PDE1C: variants seen among roughly 807,000 people sequenced by gnomAD.
PDE1C encodes the protein phosphodiesterase 1C, also known as dual specificity calcium/calmodulin-dependent 3',5'-cyclic nucleotide phosphodiesterase 1C.
A neutral mutation model predicts 93.1 loss-of-function variants in PDE1C; 62 were observed. That is an observed-to-expected ratio of 0.67 (90% CI 0.54 to 0.82). The LOEUF (loss-of-function observed/expected upper bound fraction) is 0.82, where lower values mean the gene tolerates loss of function less well. Among genes scored for constraint, PDE1C ranks in the 40% least tolerant of loss-of-function variants. PDE1C has a pLI of 0.00. For missense variants in PDE1C, 742 were observed against 884.6 expected (o/e 0.84, Z 2.04); for synonymous variants, 325 against 310.1 (o/e 1.05, Z -0.50).
At chr7:31,977,765 A>C (rs1206450396) in intron 2 of PDE1C, among the ~76,000 whole-genome samples, 5 of 152,226 alleles carry the variant, frequency 3.3e-5, no homozygotes, top group African/African-American at 1.2e-4. Context: ...AGTTACAAAC[A>C]GTAGTTGCTC....
At chr7:31,944,493 C>T (rs1479321297) in intron 2 of PDE1C, among the ~76,000 whole-genome samples, 1 of 152,188 alleles carries the variant, frequency 6.6e-6, no homozygotes, top group African/African-American at 2.4e-5. Context: ...TTGCACCTCA[C>T]CTAACCAACA....
chr7:32,218,169 T>C (rs1806564416), intron 1 of PDE1C, among the ~76,000 whole-genome samples: 1 of 152,206 alleles, frequency 6.6e-6, no homozygotes, highest in African/African-American at 2.4e-5. Flanking sequence ...AGCAATCCAG[T>C]TGAAATTTGT....
upstream of PDE1C, chr7:32,071,416 A>G: frequency 1.0e-6 from 1 of 985,210 alleles, no homozygotes. Context: ...CACACTCAAA[A>G]ACTCTTGATG....
At chr7:31,955,380 G>A (rs1412937030) in intron 2 of PDE1C, among the ~76,000 whole-genome samples, 1 of 152,102 alleles carries the variant, frequency 6.6e-6, no homozygotes, top group Admixed American at 6.5e-5. Flanking sequence ...GGCAGATAGG[G>A]AAATAAGGTT....
chr7:31,651,354 C>T, the PDE1C span: 1 of 1,454,738 alleles, frequency 6.9e-7, no homozygotes, highest in South Asian at 1.4e-5. Flanking sequence ...CAGAGGAGCA[C>T]CCTGGAGCAG....
intron 2 of PDE1C, chr7:31,893,633 G>A: frequency 3.5e-6 from 1 of 286,254 alleles, no homozygotes; most frequent in Non-Finnish European, 5.2e-6. Context: ...CAAGGTAAAC[G>A]CTAATACAGG....
chr7:32,225,278 T>C (rs975020861), intron 1 of PDE1C, among the ~76,000 whole-genome samples: 4 of 152,156 alleles, frequency 2.6e-5, no homozygotes, highest in African/African-American at 9.7e-5. Flanking sequence ...GATTGGTTTT[T>C]CTTTTCGTCT....
At chr7:31,937,416 G>C (rs1563065642) in intron 2 of PDE1C, among the ~76,000 whole-genome samples, 1 of 152,194 alleles carries the variant, frequency 6.6e-6, no homozygotes, top group Non-Finnish European at 1.5e-5. Context: ...TGTTTTGTCA[G>C]TCATAAGAGT....
intron 16 of PDE1C, among the ~76,000 whole-genome samples, chr7:31,783,024 A>C (rs1419360429): frequency 6.6e-6 from 1 of 152,176 alleles, no homozygotes; most frequent in African/African-American, 2.4e-5. Flanking sequence ...GTTTATTGGG[A>C]CGTGACCCCA....
intron 1 of PDE1C, among the ~76,000 whole-genome samples, chr7:32,230,347 A>C (rs1807606338): frequency 6.6e-6 from 1 of 152,192 alleles, no homozygotes; most frequent in East Asian, 1.9e-4. Context: ...GGAAGATGCC[A>C]ATTAAAATGC....
the PDE1C span, among the ~76,000 whole-genome samples, chr7:31,680,491 G>A: frequency 1.3e-5 from 2 of 152,188 alleles, no homozygotes. Context: ...ATGTGGCATT[G>A]GCAAGGGACC....
chr7:32,126,201 C>CTAGA (rs5883326), intron 3 of PDE1C, among the ~76,000 whole-genome samples: 83,982 of 146,778 alleles, frequency 0.57, 24,272 homozygotes, highest in Non-Finnish European at 0.62. Flanking sequence ...ATCCACTATT[C>CTAGA]TAGATAGATA....
chr7:32,078,552 A>G (rs1796482563), intron 3 of PDE1C, among the ~76,000 whole-genome samples: 1 of 152,194 alleles, frequency 6.6e-6, no homozygotes. Context: ...ACCTGATGTG[A>G]TGGGTGTAAG....
intron 3 of PDE1C, among the ~76,000 whole-genome samples, chr7:32,121,001 G>T (rs1386383518): frequency 6.6e-6 from 1 of 152,188 alleles, no homozygotes; most frequent in Admixed American, 6.5e-5. Flanking sequence ...TAGAGAAGCT[G>T]CTAACTAGAA....
At chr7:31,891,158 C>A (rs1798583986) in intron 2 of PDE1C, among the ~76,000 whole-genome samples, 2 of 152,188 alleles carry the variant, frequency 1.3e-5, no homozygotes, top group African/African-American at 4.8e-5. Context: ...AAAAGGGATG[C>A]AAAAGGACAT....
intron 1 of PDE1C, among the ~76,000 whole-genome samples, chr7:32,242,926 T>C (rs1250440057): frequency 6.6e-6 from 1 of 152,116 alleles, no homozygotes; most frequent in Non-Finnish European, 1.5e-5. Context: ...GTGGAAGGTT[T>C]AGGGGAATAA....
At chr7:31,670,944 G>A in the PDE1C span, among the ~76,000 whole-genome samples, 1 of 152,216 alleles carries the variant, frequency 6.6e-6, no homozygotes, top group South Asian at 2.1e-4. Flanking sequence ...ACAGCTTGAT[G>A]GGATAGCTTT....
At chr7:32,005,886 G>A (rs1483251236) in intron 2 of PDE1C, among the ~76,000 whole-genome samples, 2 of 151,914 alleles carry the variant, frequency 1.3e-5, no homozygotes, top group African/African-American at 4.8e-5. Flanking sequence ...TTTTTTTTCT[G>A]CACGTACTGT....
intron 11 of PDE1C, among the ~76,000 whole-genome samples, chr7:31,835,656 C>T (rs754507635): frequency 6.6e-5 from 10 of 151,684 alleles, no homozygotes; most frequent in Non-Finnish European, 1.3e-4. Flanking sequence ...TAAATCCTTC[C>T]CTCCCCCCGC....
Sources: gnomAD v4.1 joint callset for allele counts (sites outside exome capture counted in the v4.1 genomes callset) on GRCh38, gnomAD v4.1.1 for gene constraint, MANE v1.5 for transcripts, NCBI Gene and HGNC (gene_info 2026-07-23, HGNC 2026-07-21) for gene names.